ANKRD34B: variants seen among roughly 807,000 people sequenced by gnomAD.
The protein encoded by ANKRD34B is ankyrin repeat domain-containing protein 34B.
A neutral mutation model predicts 4.4 loss-of-function variants in ANKRD34B; 2 were observed. The observed-to-expected ratio is 0.46, with a 90% CI of 0.19 to 1.44. ANKRD34B has a LOEUF of 1.44. ANKRD34B is among the 40% of genes most tolerant of loss of function. ANKRD34B has a pLI of 0.26. For missense variants in ANKRD34B, 558 were observed against 604.7 expected, an observed-to-expected ratio of 0.92 and a Z score of 0.81; for synonymous variants, 226 against 227.1, an observed-to-expected ratio of 0.99 and a Z score of 0.05.
In ANKRD34B at chr5:80,567,621, C is replaced by CAAAAAAAAAAAAAAAAA. The variant is rs111603222; in HGVS notation, c.-190-848_-190-847insTTTTTTTTTTTTTTTTT. The stretch of plus-strand genomic sequence containing the variant: ...GGGTGACAAAAGCAAGACTCCGTCT[C>CAAAAAAAAAAAAAAAAA]AAAAAAAAAAAAAAAGAAAAGAAAA... On this transcript the variant is annotated intron_variant, in intron 2 of 4. Transcript: ENST00000338682. Among the ~76,000 whole-genome samples, 36 of 50,474 alleles carry CAAAAAAAAAAAAAAAAA rather than the reference C, an allele frequency of 7.1e-4. 1 individual carries two copies. The highest frequency in any genetic ancestry group is 1.5e-3 in the South Asian group (2 of 1,326). The allele number at this position is 50,474 out of a possible 152,430, so 33.1% of individuals were successfully genotyped here.
chr5:80,559,210 A>G lies in ANKRD34B; in HGVS notation c.810T>C (p.Asp270=). 6.2e-7 allele frequency: 1 copy of G among 1,614,130 alleles called. No individual in the cohort carries two copies. Residue 270 remains aspartate (D), a synonymous_variant, in exon 5 of 5, where the codon GAT becomes GAC. Transcript: ENST00000338682. ...AGGATAGTTCTTCCTCTGGTGTAAT[A>G]TCCTGGAGCTCCTCTTGCAATGAAG... ...RVASLQEELQ[D]ITPEEELSYK...
chr5:80,563,428 T>C (rs569422528), intron 4 of ANKRD34B, among the ~76,000 whole-genome samples: 2 of 152,236 alleles, frequency 1.3e-5, no homozygotes, highest in Non-Finnish European at 2.9e-5. Context: ...ATAGCATATA[T>C]GTGAGATATA....
rs148638555 is a variant in ANKRD34B, at chr5:80,559,883, G to A, written c.137C>T (p.Pro46Leu). 2 of 1,614,248 alleles carry A rather than the reference G, an allele frequency of 1.2e-6. No individual in the cohort carries two copies. Among genetic ancestry groups the A allele is most frequent in the South Asian group, 2.2e-5 (2 of 91,090 alleles). The stretch of plus-strand genomic sequence containing the variant: ...TTTGGTCTTACAAGCGATCATTAAA[G>A]GGGTTTCCCCACGGTCGTTGCTCTC... ...INESNDRGET[P>L]LMIACKTKHV... The change falls in exon 5 of 5, where the codon CCT becomes CTT. Residue 46 changes from proline (P) to leucine (L), a missense_variant. Pro to Leu is a moderately conservative substitution (Grantham distance 98). Transcript: ENST00000338682.
chr5:80,563,617 A>C (rs1746468469), intron 4 of ANKRD34B, 118 bp downstream of exon 4: 1 of 152,220 alleles, frequency 6.6e-6, no homozygotes, highest in African/African-American at 2.4e-5. Flanking sequence ...AGTATCATTC[A>C]TGATGCAAAG....
In ANKRD34B at chr5:80,559,895, C is replaced by G. The variant is rs757755790; in HGVS notation, c.125G>C (p.Arg42Pro). The G allele has an allele frequency of 5.0e-6, 8 of 1,614,234 alleles. 1 individual carries two copies. Reference protein sequence around the residue: ...GGAYINESNDRGETPLMIACK... With the variant: ...GGAYINESNDPGETPLMIACK... ...AGCGATCATTAAAGGGGTTTCCCCA[C>G]GGTCGTTGCTCTCATTAATGTAGGC... Residue 42 changes from arginine to proline, a missense_variant, in exon 5 of 5, where the codon CGT (arginine) becomes CCT (proline). Coordinates refer to ENST00000338682, the MANE Select transcript of ANKRD34B (RefSeq NM_001004441.3).
At position 80,559,988 on chromosome 5, in the gene ANKRD34B, C is replaced by G. The variant is rs865774055; in HGVS notation, c.32G>C (p.Gly11Ala). Residue 11 changes from glycine to alanine, a missense_variant, in exon 5 of 5, where the codon GGA becomes GCA. Gly to Ala is a moderately conservative substitution (Grantham distance 60, BLOSUM62 0). Transcript: ENST00000338682. ...ATGGACTGCTTTGATCAAGGAATTT[C>G]CTTCACTTGAAATTTCCATACCTTC... MDEGMEISSEGNSLIKAVHQS... is the reference protein window; with the variant it reads MDEGMEISSEANSLIKAVHQS... 4 of 1,594,804 alleles carry G rather than the reference C, an allele frequency of 2.5e-6. No homozygotes were observed. The African/African-American group carries it at 5.4e-5, about 22-fold the overall frequency.
rs1248048726 is a variant in ANKRD34B, at chr5:80,558,895, G to C, written c.1125C>G (p.Leu375=). The change falls in exon 5 of 5, where the codon CTC becomes CTG. Residue 375 remains leucine (L), a synonymous_variant. Transcript: ENST00000338682. ...GANHYSSDSQ[L]SAGLTPPTSE... ...AAGTTGGAGGGGTAAGGCCAGCTGA[G>C]AGCTGGGAATCAGAGCTGTAGTGAT... The C allele has an allele frequency of 3.7e-6, 6 of 1,614,046 alleles. No homozygotes were observed. The highest frequency in any genetic ancestry group is 4.2e-6 in the Non-Finnish European group (5 of 1,180,048).
rs1746339506 is a variant in ANKRD34B, at chr5:80,559,133, C to T, written c.887G>A (p.Ser296Asn). ...LSKRFITRHQ[S>N]IDVKDTAHLL... ...ATGTGCAGTGTCTTTTACATCAATG[C>T]TTTGGTGCCTAGTGATGAACCGCTT... is the stretch of plus-strand genomic sequence containing the variant. Residue 296 changes from serine to asparagine, a missense_variant, in exon 5 of 5, where the codon AGC (serine) becomes AAC (asparagine). Coordinates refer to ENST00000338682, the MANE Select transcript of ANKRD34B (RefSeq NM_001004441.3). The T allele has an allele frequency of 6.2e-7, 1 of 1,614,178 alleles. No homozygotes were observed. The highest frequency in any genetic ancestry group is 2.2e-5 in the East Asian group (1 of 44,880).
rs888135398 is a variant in ANKRD34B, at chr5:80,557,650, A to C, written c.*825T>G. On this transcript the variant is annotated 3_prime_UTR_variant, in exon 5 of 5. Coordinates refer to ENST00000338682, the MANE Select transcript of ANKRD34B (RefSeq NM_001004441.3). ...TCTTGTCTTTGGAAACTTATGGATA[A>C]GCTTCCAAAACTAATAACAGGAATT... The C allele has an allele frequency of 1.3e-5, 2 of 152,094 alleles. No individual in the cohort carries two copies. The highest frequency in any genetic ancestry group is 2.9e-5 in the Non-Finnish European group (2 of 68,000). 9.4% of individuals were successfully genotyped at this position (152,094 alleles called of 1,614,324 possible). A position where few individuals can be genotyped will look rare whatever the true frequency, so the allele number is the denominator to read the frequency against.
intron 3 of ANKRD34B, 36 bp from the exon 4 acceptor site, chr5:80,563,851 G>A (rs1211208236): frequency 1.3e-5 from 2 of 152,138 alleles, no homozygotes; most frequent in East Asian, 3.8e-4. Flanking sequence ...GATCACAAAA[G>A]GATCATTTTA....
At chr5:80,562,488 G>C (rs1746432455) in intron 4 of ANKRD34B, among the ~76,000 whole-genome samples, 1 of 152,150 alleles carries the variant, frequency 6.6e-6, no homozygotes, top group African/African-American at 2.4e-5. Flanking sequence ...AAGAAAACAG[G>C]GGAATAAGTG....
intron 4 of ANKRD34B, among the ~76,000 whole-genome samples, chr5:80,560,891 A>G (rs1304056340): frequency 6.6e-6 from 1 of 152,240 alleles, no homozygotes; most frequent in African/African-American, 2.4e-5. Context: ...TGTTTGGGCT[A>G]CAACGTGTTA....
At position 80,559,437 on chromosome 5, in the gene ANKRD34B, A is replaced by G. The variant is rs1279313576; in HGVS notation, c.583T>C (p.Ser195Pro). The G allele has an allele frequency of 4.3e-6, 7 of 1,614,104 alleles. No homozygotes were observed. In the African/African-American group the frequency reaches 8.0e-5, roughly 18 times the overall value. The change falls in exon 5 of 5, where the codon TCA becomes CCA. Residue 195 changes from serine (S) to proline (P), a missense_variant. By Grantham distance (74) the Ser-to-Pro change is moderately conservative. Transcript: ENST00000338682. ...TPSEIDIKTA[S>P]SPLSHSSETE... ...TCAGAAGAATGTGAAAGTGGCGATG[A>G]GGCAGTTTTGATGTCTATTTCTGAA...
chr5:80,559,938 G>T lies in ANKRD34B; in HGVS notation c.82C>A (p.Leu28Ile), dbSNP rs367829617. ...VHQSRLRLTR[L>I]LLEGGAYINE... is the part of the protein sequence containing the mutation. ...ATGTAGGCACCGCCTTCTAGCAAAAGTCTTGTGAGGCGAAGCCGGCTCTGA... is the reference window on the plus strand; with the variant it reads ...ATGTAGGCACCGCCTTCTAGCAAAATTCTTGTGAGGCGAAGCCGGCTCTGA... Residue 28 changes from leucine (L) to isoleucine (I), a missense_variant, in exon 5 of 5, where the codon CTT (leucine) becomes ATT (isoleucine). Leu to Ile is a conservative substitution (Grantham distance 5, BLOSUM62 2). Coordinates refer to ENST00000338682, the MANE Select transcript of ANKRD34B (RefSeq NM_001004441.3). 6.2e-7 allele frequency: 1 copy of T among 1,613,950 alleles called. No homozygotes were observed.
At position 80,559,111 on chromosome 5, in the gene ANKRD34B, T is replaced by C. The variant is rs747881661; in HGVS notation, c.909A>G (p.Ala303=). The change falls in exon 5 of 5, where the codon GCA becomes GCG. Residue 303 remains alanine, a synonymous_variant. Coordinates refer to ENST00000338682, the MANE Select transcript of ANKRD34B (RefSeq NM_001004441.3). ...CCTGATCAAAGGCTCTTAGCAAATG[T>C]GCAGTGTCTTTTACATCAATGCTTT... ...RHQSIDVKDT[A]HLLRAFDQAS... 1 of 1,614,250 alleles carries C rather than the reference T, an allele frequency of 6.2e-7. No individual in the cohort carries two copies. Among genetic ancestry groups the C allele is most frequent in the Non-Finnish European group, 8.5e-7 (1 of 1,180,048 alleles).
At chr5:80,564,111 T>G (rs1017422157) in intron 3 of ANKRD34B, among the ~76,000 whole-genome samples, 5 of 152,300 alleles carry the variant, frequency 3.3e-5, no homozygotes, top group Middle Eastern at 3.4e-3. Flanking sequence ...GTCAATCTTG[T>G]TTTTAGTTTT....
At chr5:80,570,108 CAA>C (rs1199808482) in intron 1 of ANKRD34B, 44 bp downstream of exon 1, 1 of 152,492 alleles carries the variant, frequency 6.6e-6, no homozygotes, top group Non-Finnish European at 1.5e-5. Context: ...CACTGCAAGC[CAA>C]AGTTTCCCAA....
chr5:80,564,021 A>G (rs1301093909), intron 3 of ANKRD34B, among the ~76,000 whole-genome samples: 1 of 152,250 alleles, frequency 6.6e-6, no homozygotes, highest in Non-Finnish European at 1.5e-5. Context: ...GTAGCATTTG[A>G]GAAACAGATA....
Position 80,558,670 on chromosome 5 carries a change from T to G in ANKRD34B, c.1350A>C (p.Pro450=). ...GAGGGTGAGAATTTACATTTAAGGG[T>G]GGGAGAAACCCTTGTCTGGTTTGGG... is the stretch of plus-strand genomic sequence containing the variant. ...SVTQTRQGFL[P]PLNVNSHPPI... Residue 450 remains proline (P), a synonymous_variant, in exon 5 of 5, where the codon CCA becomes CCC. Transcript: ENST00000338682. The G allele has an allele frequency of 6.2e-7, 1 of 1,614,126 alleles. No individual in the cohort carries two copies. Among genetic ancestry groups the G allele is most frequent in the Non-Finnish European group, 8.5e-7 (1 of 1,180,018 alleles).
Sources: gnomAD v4.1 joint callset for allele counts (sites outside exome capture counted in the v4.1 genomes callset) on GRCh38, gnomAD v4.1.1 for gene constraint, MANE v1.5 for transcripts, NCBI Gene and HGNC (gene_info 2026-07-23, HGNC 2026-07-21) for gene names.